The following HMSD variants were observed in gnomAD, a reference collection of about 807,000 sequenced individuals.
HMSD encodes serpin-like protein HMSD.
Under a neutral mutation model 10.0 loss-of-function variants are expected in HMSD, and 13 were observed. The ratio of observed to expected loss-of-function variants is 1.31; its 90% CI spans 0.85 to 2.08. The LOEUF is 2.08. Among genes scored for constraint, HMSD ranks in the 30% most tolerant of loss-of-function variants. HMSD has a pLI of 0.00. For synonymous variants in HMSD, 51 were observed against 54.2 expected (o/e 0.94, Z 0.26); for missense variants, 169 against 166.3 (o/e 1.02, Z -0.09).
chr18:63,953,313 C>T, intron 1 of HMSD, 41 bp from the exon 2 acceptor site: 1 of 617,850 alleles, frequency 1.6e-6, no homozygotes, highest in Non-Finnish European at 2.9e-6. Flanking sequence ...CACATGTAAG[C>T]CTATATTAAT....
chr18:63,952,837 A>G (rs966100634), intron 1 of HMSD, among the ~76,000 whole-genome samples: 16 of 152,222 alleles, frequency 1.1e-4, no homozygotes, highest in African/African-American at 3.9e-4. Flanking sequence ...ATAAAAACAT[A>G]ATTCTAAGTT....
intron 3 of HMSD, among the ~76,000 whole-genome samples, chr18:63,955,810 C>T (rs908755977): frequency 6.6e-6 from 1 of 152,186 alleles, no homozygotes; most frequent in African/African-American, 2.4e-5. Context: ...TGGGCACCAG[C>T]CTGTCTGGGA....
At chr18:63,959,990 G>A (rs147152052) in intron 3 of HMSD, among the ~76,000 whole-genome samples, 168 bp from the exon 4 acceptor site, 250 of 152,230 alleles carry the variant, frequency 1.6e-3, no homozygotes, top group African/African-American at 5.4e-3. Flanking sequence ...CTAAGATTAG[G>A]AATAGCTGAA....
downstream of HMSD, among the ~76,000 whole-genome samples, chr18:63,963,698 A>G (rs2050399737): frequency 6.6e-6 from 1 of 152,230 alleles, no homozygotes; most frequent in Non-Finnish European, 1.5e-5. Flanking sequence ...AACTCCATTC[A>G]TTGCTGTGCC....
chr18:63,958,837 GTA>G lies in HMSD; in HGVS notation c.223-1317_223-1316del, dbSNP rs532989022. 4.6e-3 allele frequency among the ~76,000 whole-genome samples: 707 copies of G among 152,078 alleles called. 8 individuals carry two copies. The highest frequency in any genetic ancestry group is 0.017 in the African/African-American group (686 of 41,500). ...CGATGGACACTGCTGGTCTAGGATT[GTA>G]TATGTTTCCCATGTAATTTATGGAA... On this transcript the variant is annotated intron_variant, in intron 3 of 3. Coordinates refer to ENST00000408945, the MANE Select transcript of HMSD (RefSeq NM_001123366.2).
chr18:63,965,238 C>A (rs1421367322), downstream of HMSD, among the ~76,000 whole-genome samples: 6 of 152,152 alleles, frequency 3.9e-5, no homozygotes, highest in Admixed American at 6.5e-5. Flanking sequence ...TAATGCTGAA[C>A]CAGACAGGAC....
At chr18:63,963,082 TTTC>T (rs1331726805), downstream of HMSD, among the ~76,000 whole-genome samples, 36 of 47,402 alleles carry the variant, frequency 7.6e-4, 1 homozygote, top group African/African-American at 4.6e-3. Flanking sequence ...TCTTTCTTTC[TTTC>T]TTTCTTTCTT....
chr18:63,962,274 T>C (rs1406479112), downstream of HMSD, among the ~76,000 whole-genome samples: 2 of 152,206 alleles, frequency 1.3e-5, no homozygotes, highest in Admixed American at 1.3e-4. Context: ...TGCCAAACAC[T>C]GGAAAATTAC....
downstream of HMSD, chr18:63,966,813 T>A (rs1450320392): frequency 2.0e-5 from 3 of 152,248 alleles, no homozygotes; most frequent in African/African-American, 7.2e-5. Flanking sequence ...CTTCTGTGAA[T>A]TCTTCATGGG....
At chr18:63,952,928 A>C (rs114104654) in intron 1 of HMSD, among the ~76,000 whole-genome samples, 4,320 of 152,326 alleles carry the variant, frequency 0.028, 221 homozygotes, top group African/African-American at 0.099. Context: ...CCAGTATTGG[A>C]AATCAATAGT....
At chr18:63,964,174 G>A (rs889811296), downstream of HMSD, among the ~76,000 whole-genome samples, 3 of 152,186 alleles carry the variant, frequency 2.0e-5, no homozygotes, top group Admixed American at 6.5e-5. Context: ...AAAGAGCTCT[G>A]AATATCAGCC....
Position 63,960,276 on chromosome 18 carries a change from G to C in HMSD, c.341G>C (p.Gly114Ala). The C allele has an allele frequency of 6.2e-7, 1 of 1,612,564 alleles. No individual in the cohort carries two copies. The highest frequency in any genetic ancestry group is 8.5e-7 in the Non-Finnish European group (1 of 1,179,354). Residue 114 changes from glycine (G) to alanine (A), a missense_variant, in exon 4 of 4, where the codon GGT becomes GCT. By Grantham distance (60) the Gly-to-Ala change is moderately conservative (BLOSUM62 0). Transcript: ENST00000408945. ...TCCTGGGTTGCTGATAAAACTAAAG[G>C]TGAAAATATATTGTTATTCTATTTC... Reference protein sequence around the residue: ...VNSWVADKTKGENILLFYFDN... With the variant: ...VNSWVADKTKAENILLFYFDN...
rs1247954857 is a variant in HMSD, at chr18:63,949,365, T to C, written c.-138T>C. 1 of 152,376 alleles carries C rather than the reference T, an allele frequency of 6.6e-6. No homozygotes were observed. 9.4% of individuals were successfully genotyped at this position (152,376 alleles called of 1,614,324 possible). A position where few individuals can be genotyped will look rare whatever the true frequency, so the allele number is the denominator to read the frequency against. On this transcript the variant is annotated 5_prime_UTR_variant, in exon 1 of 4. Transcript: ENST00000408945. The stretch of plus-strand genomic sequence containing the variant: ...CTATTCCCGCCTCTCCGACCCGGTC[T>C]CACTTCGCTCCTGGGCAGCTGCGCG...
intron 3 of HMSD, among the ~76,000 whole-genome samples, chr18:63,955,610 A>G (rs1196424649): frequency 6.6e-6 from 1 of 152,128 alleles, no homozygotes; most frequent in Admixed American, 6.5e-5. Flanking sequence ...AGAACTGCAT[A>G]ATGTTAACCT....
chr18:63,961,449 A>C lies in HMSD; in HGVS notation c.*1094A>C, dbSNP rs1230126733. ...TCTGTCTTGTAAAGCCTGAAAGCTC[A>C]TGTGCTGCCTTGACATCTATGGGCT... is the stretch of plus-strand genomic sequence containing the variant. On this transcript the variant is annotated 3_prime_UTR_variant, in exon 4 of 4. Coordinates refer to ENST00000408945, the MANE Select transcript of HMSD (RefSeq NM_001123366.2). 1 of 152,232 alleles carries C rather than the reference A, an allele frequency of 6.6e-6. No homozygotes were observed. Among genetic ancestry groups the C allele is most frequent in the Non-Finnish European group, 1.5e-5 (1 of 68,046 alleles). The allele number at this position is 152,232 out of a possible 1,614,324, so 9.4% of individuals were successfully genotyped here. A position where few individuals can be genotyped will look rare whatever the true frequency, so the allele number is the denominator to read the frequency against.
At chr18:63,963,464 C>T (rs977074908), downstream of HMSD, among the ~76,000 whole-genome samples, 3 of 152,078 alleles carry the variant, frequency 2.0e-5, no homozygotes, top group South Asian at 2.1e-4. Context: ...CTCCTGTCCT[C>T]GTGATCCACC....
downstream of HMSD, among the ~76,000 whole-genome samples, chr18:63,965,522 T>C (rs992162092): frequency 1.3e-5 from 2 of 152,342 alleles, no homozygotes; most frequent in Non-Finnish European, 1.5e-5. Context: ...TTCCAGGCAA[T>C]GCCATATCAG....
At position 63,961,048 on chromosome 18, in the gene HMSD, T is replaced by C. The variant is rs1390003454; in HGVS notation, c.*693T>C. 3.3e-5 allele frequency: 5 copies of C among 152,252 alleles called. No individual in the cohort carries two copies. Among genetic ancestry groups the C allele is most frequent in the Middle Eastern group, 3.2e-3 (1 of 316 alleles). The allele number at this position is 152,252 out of a possible 1,614,324, so 9.4% of individuals were successfully genotyped here. On this transcript the variant is annotated 3_prime_UTR_variant, in exon 4 of 4. Coordinates refer to ENST00000408945, the MANE Select transcript of HMSD (RefSeq NM_001123366.2). ...TTCCACTGCAGAGAGAGCCTCTGAG[T>C]GTTACAGCCAGGAGCAACAGGGTGG...
downstream of HMSD, among the ~76,000 whole-genome samples, chr18:63,965,286 A>G (rs1436893854): frequency 1.3e-5 from 2 of 152,252 alleles, no homozygotes; most frequent in Admixed American, 6.5e-5. Context: ...TGTTTCAACA[A>G]TCAATGGTAA....
Sources: gnomAD v4.1 joint callset for allele counts (sites outside exome capture counted in the v4.1 genomes callset) on GRCh38, gnomAD v4.1.1 for gene constraint, MANE v1.5 for transcripts, NCBI Gene and HGNC (gene_info 2026-07-23, HGNC 2026-07-21) for gene names.